STK38: variants seen among roughly 807,000 people sequenced by gnomAD.
The protein encoded by STK38 is serine/threonine kinase 38.
STK38 carries 26 observed loss-of-function variants against 59.0 expected under a neutral mutation model. That is an observed-to-expected ratio of 0.44 (90% CI 0.32 to 0.61). STK38 has a LOEUF of 0.61. STK38 is among the 20% of genes least tolerant of loss of function. The probability of loss-of-function intolerance (pLI) is 0.04; values close to 1 mark genes in which losing one functional copy is unlikely to be tolerated. For synonymous variants in STK38, 175 were observed against 176.6 expected (o/e 0.99, Z 0.07); for missense variants, 433 against 566.0 (o/e 0.76, Z 2.38).
At chr6:36,504,274 C>T (rs1453332506) in intron 9 of STK38, among the ~76,000 whole-genome samples, 2 of 152,072 alleles carry the variant, frequency 1.3e-5, no homozygotes, top group Non-Finnish European at 2.9e-5. Flanking sequence ...TTATACAGGA[C>T]GACATAACAA....
intron 1 of STK38, among the ~76,000 whole-genome samples, chr6:36,543,531 G>A (rs993935890): frequency 6.6e-6 from 1 of 152,112 alleles, no homozygotes; most frequent in Non-Finnish European, 1.5e-5. Context: ...GATCATTTGA[G>A]CCCAGGAGTT....
rs186617354 is a variant in STK38, at chr6:36,502,501, A to G, written c.835-2511T>C. On this transcript the variant is annotated intron_variant, in intron 9 of 13. Transcript: ENST00000229812. ...AATTCAGGACATTAATCTGTTTAAG[A>G]TATTTGTATACTGCAAGTATCTTCT... Among the ~76,000 whole-genome samples the G allele has an allele frequency of 2.6e-5, 4 of 152,106 alleles. No individual in the cohort carries two copies. In the East Asian group the frequency reaches 5.8e-4, roughly 22 times the overall value.
intron 9 of STK38, among the ~76,000 whole-genome samples, chr6:36,500,392 T>C (rs576490282): frequency 1.3e-5 from 2 of 151,946 alleles, no homozygotes; most frequent in South Asian, 4.2e-4. Flanking sequence ...AGCTTAACTT[T>C]GCAGATACAA....
intron 7 of STK38, among the ~76,000 whole-genome samples, chr6:36,513,690 T>C (rs1032017375): frequency 6.6e-6 from 1 of 151,830 alleles, no homozygotes; most frequent in African/African-American, 2.4e-5. Flanking sequence ...TGTCCACTAT[T>C]CTACTCCACT....
chr6:36,527,373 ACAC>A (rs1655389552), intron 2 of STK38, among the ~76,000 whole-genome samples: 1 of 150,058 alleles, frequency 6.7e-6, no homozygotes, highest in Admixed American at 6.6e-5. Context: ...TAGTACACAC[ACAC>A]ACACACACAT....
chr6:36,546,566 GTC>G (rs1778058297), intron 1 of STK38, among the ~76,000 whole-genome samples: 1 of 152,148 alleles, frequency 6.6e-6, no homozygotes, highest in Non-Finnish European at 1.5e-5. Context: ...GAGAGATCTG[GTC>G]TCTCTGCCGG....
chr6:36,510,759 T>A (rs1777089637), intron 7 of STK38, among the ~76,000 whole-genome samples: 1 of 152,224 alleles, frequency 6.6e-6, no homozygotes. Flanking sequence ...AAACCACACA[T>A]CACAGACTCA....
intron 3 of STK38, 35 bp from the exon 4 acceptor site, chr6:36,524,498 G>A (rs776540587): frequency 3.2e-6 from 5 of 1,568,056 alleles, no homozygotes; most frequent in Non-Finnish European, 4.3e-6. Flanking sequence ...GAGACGGGAA[G>A]GAACTGAAAT....
At position 36,497,897 on chromosome 6, in the gene STK38, C is replaced by G. The variant is rs370280122; in HGVS notation, c.1077-22G>C. The G allele has an allele frequency of 8.0e-5, 123 of 1,528,512 alleles. No homozygotes were observed. The African/African-American group carries it at 1.5e-3, about 19-fold the overall frequency. 94.7% of individuals were successfully genotyped at this position (1,528,512 alleles called of 1,614,324 possible). ...GAACCTGGAAAAGACAGAGGCCTTTCAGCACATCTCAAGCAGTCTCCTCAG... is the reference window on the plus strand; with the variant it reads ...GAACCTGGAAAAGACAGAGGCCTTTGAGCACATCTCAAGCAGTCTCCTCAG... On this transcript the variant is annotated intron_variant, in intron 11 of 13. Coordinates refer to ENST00000229812, the MANE Select transcript of STK38 (RefSeq NM_007271.4).
At chr6:36,505,040 C>T (rs1370467838) in intron 9 of STK38, among the ~76,000 whole-genome samples, 2 of 151,818 alleles carry the variant, frequency 1.3e-5, no homozygotes, top group African/African-American at 2.4e-5. Context: ...TTATTTAAGA[C>T]ATAACCTCTT....
At chr6:36,538,811 G>T (rs538404560) in intron 2 of STK38, among the ~76,000 whole-genome samples, 2 of 140,240 alleles carry the variant, frequency 1.4e-5, no homozygotes, top group African/African-American at 2.7e-5. Flanking sequence ...AGAATCACTT[G>T]AACCCAGGAG....
chr6:36,538,065 C>T (rs1049348314), intron 2 of STK38, among the ~76,000 whole-genome samples: 2 of 152,140 alleles, frequency 1.3e-5, no homozygotes, highest in Non-Finnish European at 2.9e-5. Flanking sequence ...CTTCAAGAGG[C>T]TGTGGCAGGT....
chr6:36,521,234 G>A (rs1777368655), intron 5 of STK38, among the ~76,000 whole-genome samples: 1 of 152,074 alleles, frequency 6.6e-6, no homozygotes, highest in African/African-American at 2.4e-5. Flanking sequence ...TCAGAAATTA[G>A]AAGGCTGGTC....
intron 7 of STK38, among the ~76,000 whole-genome samples, chr6:36,514,198 C>A (rs1415187591): frequency 6.7e-6 from 1 of 150,354 alleles, no homozygotes; most frequent in African/African-American, 2.4e-5. Context: ...CACCTATAGT[C>A]CCAACTACTC....
intron 2 of STK38, among the ~76,000 whole-genome samples, chr6:36,528,792 C>A (rs984273662): frequency 2.6e-5 from 4 of 152,210 alleles, no homozygotes; most frequent in Admixed American, 1.3e-4. Context: ...GTCCTGACTA[C>A]ACGTTTTTGA....
chr6:36,503,037 C>T (rs1474232257), intron 9 of STK38, among the ~76,000 whole-genome samples: 2 of 152,120 alleles, frequency 1.3e-5, no homozygotes, highest in Non-Finnish European at 2.9e-5. Context: ...CAGTCTTTTG[C>T]TATTATGAAA....
intron 1 of STK38, among the ~76,000 whole-genome samples, 166 bp from the exon 2 acceptor site, chr6:36,540,373 A>T (rs1457368872): frequency 6.6e-6 from 1 of 152,252 alleles, no homozygotes; most frequent in Non-Finnish European, 1.5e-5. Context: ...GAAAATAAAT[A>T]TAAATTACTG....
At chr6:36,533,151 G>A (rs1777708423) in intron 2 of STK38, among the ~76,000 whole-genome samples, 1 of 151,702 alleles carries the variant, frequency 6.6e-6, no homozygotes, top group Admixed American at 6.6e-5. Flanking sequence ...CTAGTGCATT[G>A]TTGTTTTTCT....
intron 5 of STK38, among the ~76,000 whole-genome samples, chr6:36,519,701 T>G (rs1273836727): frequency 6.6e-6 from 1 of 152,124 alleles, no homozygotes; most frequent in Non-Finnish European, 1.5e-5. Context: ...TTTCCCCTAT[T>G]CCATAAATAT....
Sources: allele counts gnomAD v4.1 joint callset (sites outside exome capture counted in the v4.1 genomes callset), GRCh38; gene constraint gnomAD v4.1.1; transcripts MANE v1.5; gene names NCBI Gene and HGNC (gene_info 2026-07-23, HGNC 2026-07-21).